MSH3: variants seen among roughly 807,000 people sequenced by gnomAD.
MSH3 encodes the protein mutS homolog 3.
A neutral mutation model predicts 123.3 loss-of-function variants in MSH3; 106 were observed. The ratio of observed to expected loss-of-function variants is 0.86; its 90% CI spans 0.73 to 1.01. The LOEUF (loss-of-function observed/expected upper bound fraction) is 1.01, where lower values mean the gene tolerates loss of function less well. MSH3 is among the 50% of genes least tolerant of loss of function. The pLI, the probability that MSH3 is intolerant of heterozygous loss-of-function variation, is 0.00. For missense variants in MSH3, 1,459 were observed against 1,347.6 expected (o/e 1.08, Z -1.29); for synonymous variants, 515 against 481.4 (o/e 1.07, Z -0.91).
chr5:80,851,980 C>T (rs1745837542), intron 20 of MSH3, among the ~76,000 whole-genome samples: 2 of 152,176 alleles, frequency 1.3e-5, no homozygotes, highest in Admixed American at 1.3e-4. Flanking sequence ...CACTCTGTTA[C>T]TTTACTGTTT....
At chr5:80,758,333 C>G (rs1743967471) in intron 12 of MSH3, among the ~76,000 whole-genome samples, 1 of 152,164 alleles carries the variant, frequency 6.6e-6, no homozygotes, top group Admixed American at 6.5e-5. Flanking sequence ...GATGTGGTAA[C>G]AGTAAACATT....
At chr5:80,872,531 C>T (rs560917381) in intron 22 of MSH3, among the ~76,000 whole-genome samples, 1 of 151,174 alleles carries the variant, frequency 6.6e-6, no homozygotes, top group African/African-American at 2.4e-5. Context: ...CTCATCCTGG[C>T]GCAGTGGCTC....
At chr5:80,683,621 G>T (rs1211470484) in intron 8 of MSH3, among the ~76,000 whole-genome samples, 1 of 152,110 alleles carries the variant, frequency 6.6e-6, no homozygotes, top group Non-Finnish European at 1.5e-5. Flanking sequence ...CACATGGGTG[G>T]TCTACATACA....
At chr5:80,656,958 T>C (rs1379634298) in intron 2 of MSH3, among the ~76,000 whole-genome samples, 2 of 152,222 alleles carry the variant, frequency 1.3e-5, no homozygotes, top group Non-Finnish European at 2.9e-5. Context: ...ATGTGCATAG[T>C]CATAAGCTCA....
intron 10 of MSH3, among the ~76,000 whole-genome samples, chr5:80,734,030 C>T (rs1465974122): frequency 1.3e-5 from 2 of 151,802 alleles, no homozygotes; most frequent in Non-Finnish European, 2.9e-5. Flanking sequence ...TCACAATAGC[C>T]AAAAAGTAGA....
chr5:80,854,223 G>A lies in MSH3; in HGVS notation c.2907G>A (p.Gln969=), dbSNP rs1580091558. 6.2e-7 allele frequency: 1 copy of A among 1,613,900 alleles called. No homozygotes were observed. The highest frequency in any genetic ancestry group is 8.5e-7 in the Non-Finnish European group (1 of 1,179,868). Residue 969 remains glutamine, a synonymous_variant, in exon 21 of 24, where the codon CAG becomes CAA. Coordinates refer to ENST00000265081, the MANE Select transcript of MSH3 (RefSeq NM_002439.5). ...TAEIIRKATS[Q]SLVILDELGR... ...AAATAATCAGAAAAGCAACATCACA[G>A]TCCTTGGTTATCTTGGATGAACTAG...
intron 8 of MSH3, among the ~76,000 whole-genome samples, chr5:80,710,092 T>A (rs836797): frequency 0.62 from 94,801 of 152,130 alleles, 29,483 homozygotes; most frequent in Middle Eastern, 0.67. Context: ...CAGCATTAAT[T>A]ACACTGTGTA....
At chr5:80,695,730 G>C (rs531754355) in intron 8 of MSH3, among the ~76,000 whole-genome samples, 1 of 152,260 alleles carries the variant, frequency 6.6e-6, no homozygotes, top group South Asian at 2.1e-4. Context: ...TGTAATTGCT[G>C]TTAAAACATT....
At chr5:80,776,926 ATATT>A (rs1240964164) in intron 16 of MSH3, among the ~76,000 whole-genome samples, 1 of 126,900 alleles carries the variant, frequency 7.9e-6, no homozygotes, top group African/African-American at 2.9e-5. Flanking sequence ...ATATATATAT[ATATT>A]TTTTTTTTTT....
At chr5:80,823,909 T>C (rs1406355261) in intron 20 of MSH3, among the ~76,000 whole-genome samples, 1 of 152,174 alleles carries the variant, frequency 6.6e-6, no homozygotes, top group Admixed American at 6.5e-5. Flanking sequence ...TTAATGAGCA[T>C]GCTGCCTTCA....
In MSH3 at chr5:80,825,761, C is replaced by G. The variant is rs1429101837; in HGVS notation, c.2813+12020C>G. Among the ~76,000 whole-genome samples, 6 of 152,326 alleles carry G rather than the reference C, an allele frequency of 3.9e-5. No individual in the cohort carries two copies. The South Asian group carries it at 1.2e-3, about 32-fold the overall frequency. ...ATTTGATGATATTTCTATATATTCT[C>G]CAAAATTGCTCATAAGAACATTTTC... On this transcript the variant is annotated intron_variant, in intron 20 of 23. Transcript: ENST00000265081.
At chr5:80,662,366 A>T (rs1235812289) in intron 2 of MSH3, among the ~76,000 whole-genome samples, 2 of 151,984 alleles carry the variant, frequency 1.3e-5, no homozygotes, top group Non-Finnish European at 2.9e-5. Context: ...TCATTAAATG[A>T]TGCAAGACTG....
At chr5:80,668,901 G>A (rs377318251) in intron 3 of MSH3, among the ~76,000 whole-genome samples, 8 of 152,204 alleles carry the variant, frequency 5.3e-5, no homozygotes, top group African/African-American at 1.9e-4. Flanking sequence ...AAGGGGGCGA[G>A]GCTTCTTCCA....
chr5:80,846,508 C>T (rs1016723113), intron 20 of MSH3, among the ~76,000 whole-genome samples: 1 of 152,124 alleles, frequency 6.6e-6, no homozygotes, highest in African/African-American at 2.4e-5. Flanking sequence ...GCCCTGCCCC[C>T]AGAGGTGGAA....
chr5:80,844,057 C>T (rs1023809935), intron 20 of MSH3, among the ~76,000 whole-genome samples: 5 of 152,024 alleles, frequency 3.3e-5, no homozygotes, highest in African/African-American at 1.2e-4. Context: ...TTTCCCTCTA[C>T]ACACTGCTTT....
At chr5:80,799,206 G>A (rs927335786) in intron 19 of MSH3, among the ~76,000 whole-genome samples, 1 of 151,968 alleles carries the variant, frequency 6.6e-6, no homozygotes, top group Non-Finnish European at 1.5e-5. Context: ...TTTAAGTCCT[G>A]ACTTTGGCAT....
intron 23 of MSH3, among the ~76,000 whole-genome samples, chr5:80,874,132 C>A (rs1390777194): frequency 6.6e-6 from 1 of 152,010 alleles, no homozygotes; most frequent in Non-Finnish European, 1.5e-5. Context: ...TGTTATACTC[C>A]AATAATATTC....
intron 10 of MSH3, among the ~76,000 whole-genome samples, chr5:80,733,713 G>T (rs118040221): frequency 6.6e-6 from 1 of 151,998 alleles, no homozygotes; most frequent in East Asian, 1.9e-4. Context: ...CAAGAAGCAC[G>T]TGAAAATATG....
chr5:80,768,254 T>G (rs193215245), intron 14 of MSH3, 134 bp downstream of exon 14: 1 of 875,210 alleles, frequency 1.1e-6, no homozygotes, highest in East Asian at 2.6e-5. Context: ...ATTAGAAATG[T>G]GATTGGACCC....
Sources: allele counts gnomAD v4.1 joint callset (sites outside exome capture counted in the v4.1 genomes callset), GRCh38; gene constraint gnomAD v4.1.1; transcripts MANE v1.5; gene names NCBI Gene and HGNC (gene_info 2026-07-23, HGNC 2026-07-21).